Variants in PRUNE2 observed in about 807,000 individuals in gnomAD.
The protein encoded by PRUNE2 is protein prune homolog 2.
A neutral mutation model predicts 252.0 loss-of-function variants in PRUNE2; 164 were observed. The observed-to-expected ratio is 0.65, with a 90% CI of 0.57 to 0.74. The LOEUF is 0.74. Ranked by LOEUF, PRUNE2 falls within the 30% of genes least tolerant of loss-of-function variation. The pLI is 0.00. For synonymous variants in PRUNE2, 1,292 were observed against 1,350.2 expected (o/e 0.96, Z 0.94); for missense variants, 3,495 against 3,711.0 (o/e 0.94, Z 1.51).
intron 6 of PRUNE2, among the ~76,000 whole-genome samples, chr9:76,764,034 A>T (rs916636738): frequency 6.6e-6 from 1 of 152,210 alleles, no homozygotes; most frequent in Non-Finnish European, 1.5e-5. Context: ...GGGTTAAAAG[A>T]TTATTTGTTG....
chr9:76,838,951 G>A (rs11145096), intron 4 of PRUNE2, among the ~76,000 whole-genome samples: 29,004 of 152,014 alleles, frequency 0.19, 3,648 homozygotes, highest in African/African-American at 0.34. Context: ...TACTCCACAA[G>A]AGGGCTAAAA....
intron 6 of PRUNE2, among the ~76,000 whole-genome samples, chr9:76,801,756 T>C (rs1028430646): frequency 1.3e-5 from 2 of 152,160 alleles, no homozygotes; most frequent in African/African-American, 4.8e-5. Flanking sequence ...TAAGAGTAAC[T>C]TGAGAAGGAA....
rs1264119854 is a variant in PRUNE2, at chr9:76,614,382, G to A, written c.*188C>T. On this transcript the variant is annotated 3_prime_UTR_variant, in exon 19 of 19. Coordinates refer to ENST00000376718, the MANE Select transcript of PRUNE2 (RefSeq NM_015225.3). ...TTGAGGCACATAATTGGCAAAATAG[G>A]AAAGTACACACAATTTCATAAAATA... 1.6e-6 allele frequency: 1 copy of A among 611,688 alleles called. No individual in the cohort carries two copies. Among genetic ancestry groups the A allele is most frequent in the Non-Finnish European group, 2.9e-6 (1 of 348,120 alleles). 37.9% of individuals were successfully genotyped at this position (611,688 alleles called of 1,614,324 possible).
At chr9:76,832,290 C>T (rs576217313) in intron 4 of PRUNE2, among the ~76,000 whole-genome samples, 2 of 152,006 alleles carry the variant, frequency 1.3e-5, no homozygotes, top group Non-Finnish European at 2.9e-5. Context: ...TAAATTGTTA[C>T]CAACAGTGGT....
At chr9:76,637,326 GTA>G in intron 14 of PRUNE2, 90 bp downstream of exon 14, 1 of 1,225,272 alleles carries the variant, frequency 8.2e-7, no homozygotes, top group Non-Finnish European at 1.2e-6. Flanking sequence ...TTCTTCTTGT[GTA>G]TAATGAAGAT....
At chr9:76,804,174 G>C (rs2056768216) in intron 6 of PRUNE2, among the ~76,000 whole-genome samples, 1 of 152,188 alleles carries the variant, frequency 6.6e-6, no homozygotes, top group Non-Finnish European at 1.5e-5. Context: ...TGTGACGCCA[G>C]CTAGTCAGCA....
chr9:76,819,020 G>A (rs2057870516), intron 6 of PRUNE2, among the ~76,000 whole-genome samples: 1 of 152,156 alleles, frequency 6.6e-6, no homozygotes, highest in South Asian at 2.1e-4. Flanking sequence ...AGAGGCTGAG[G>A]CGAGTTGATC....
intron 1 of PRUNE2, among the ~76,000 whole-genome samples, chr9:76,902,157 A>G (rs2063216895): frequency 6.6e-6 from 1 of 151,802 alleles, no homozygotes; most frequent in Non-Finnish European, 1.5e-5. Context: ...CATGTACTTC[A>G]TTTTTTCCCC....
At chr9:76,718,842 T>C (rs562454068) in intron 6 of PRUNE2, among the ~76,000 whole-genome samples, 3 of 152,268 alleles carry the variant, frequency 2.0e-5, no homozygotes, top group African/African-American at 7.2e-5. Flanking sequence ...GTGTCTGTCC[T>C]ATTAAATGGC....
At chr9:76,632,988 G>A (rs997396581) in intron 15 of PRUNE2, among the ~76,000 whole-genome samples, 20 of 152,172 alleles carry the variant, frequency 1.3e-4, no homozygotes, top group African/African-American at 4.1e-4. Context: ...TTGGGAGGCC[G>A]AGGCAGGCGG....
At chr9:76,850,357 T>C (rs2059893567) in intron 3 of PRUNE2, 106 bp downstream of exon 3, 4 of 881,616 alleles carry the variant, frequency 4.5e-6, no homozygotes. Context: ...TGTCCTCTGC[T>C]TTTAATACAT....
chr9:76,727,677 C>T (rs1276715624), intron 6 of PRUNE2, among the ~76,000 whole-genome samples: 1 of 79,770 alleles, frequency 1.3e-5, no homozygotes, highest in Non-Finnish European at 2.5e-5. Context: ...CAAAGTTGTA[C>T]TATTATTCCA....
At chr9:76,806,199 G>A (rs971020818) in intron 6 of PRUNE2, among the ~76,000 whole-genome samples, 3 of 152,200 alleles carry the variant, frequency 2.0e-5, no homozygotes, top group Non-Finnish European at 2.9e-5. Flanking sequence ...GAAACTGTAA[G>A]AGTGGGAGAG....
intron 6 of PRUNE2, among the ~76,000 whole-genome samples, chr9:76,717,052 G>C (rs755178015): frequency 1.7e-4 from 26 of 152,162 alleles, no homozygotes; most frequent in Non-Finnish European, 2.9e-4. Context: ...CTCTAGCTCA[G>C]TTTTCCCCTG....
At chr9:76,880,015 G>T (rs2133263666) in intron 1 of PRUNE2, among the ~76,000 whole-genome samples, 1 of 141,252 alleles carries the variant, frequency 7.1e-6, no homozygotes, top group South Asian at 2.4e-4. Context: ...TGGTGTTCAT[G>T]CCATTCTCCT....
intron 2 of PRUNE2, among the ~76,000 whole-genome samples, chr9:76,853,619 C>G (rs1191057251): frequency 1.3e-5 from 2 of 152,106 alleles, no homozygotes; most frequent in African/African-American, 4.8e-5. Context: ...AAACAAGGAC[C>G]TACAGGATGT....
chr9:76,616,979 C>CATAAATAA (rs879485187), intron 18 of PRUNE2, among the ~76,000 whole-genome samples: 5 of 150,704 alleles, frequency 3.3e-5, no homozygotes, highest in East Asian at 3.9e-4. Flanking sequence ...TAAATAAATA[C>CATAAATAA]ATAAATAAAT....
intron 9 of PRUNE2, among the ~76,000 whole-genome samples, chr9:76,698,961 T>G (rs965651041): frequency 1.3e-5 from 2 of 152,134 alleles, no homozygotes; most frequent in African/African-American, 4.8e-5. Flanking sequence ...TCCACAAGTA[T>G]GAGGGTCAGG....
Position 76,710,182 on chromosome 9 carries a change from C to G in PRUNE2, c.2092G>C (p.Ala698Pro), listed in dbSNP as rs757744806. Residue 698 changes from alanine (A) to proline (P), a missense_variant, in exon 8 of 19, where the codon GCC (alanine) becomes CCC (proline). Ala to Pro is a conservative substitution (Grantham distance 27). Transcript: ENST00000376718. ...EHKPSSIDRR[A>P]SDSVFQPKSL... is the part of the protein sequence containing the mutation. ...TTTGGTTGAAATACAGAATCTGAGG[C>G]TCTCCTATCAATGGAGCTTGGCTTA... The G allele has an allele frequency of 6.2e-7, 1 of 1,613,900 alleles. No homozygotes were observed. Among genetic ancestry groups the G allele is most frequent in the South Asian group, 1.1e-5 (1 of 91,062 alleles).
Sources: gnomAD v4.1 joint callset for allele counts (sites outside exome capture counted in the v4.1 genomes callset) on GRCh38, gnomAD v4.1.1 for gene constraint, MANE v1.5 for transcripts, NCBI Gene and HGNC (gene_info 2026-07-23, HGNC 2026-07-21) for gene names.